Variants in RDX observed in about 807,000 individuals in gnomAD.
The protein encoded by RDX is deafness, autosomal recessive 24.
Under a neutral mutation model 83.7 loss-of-function variants are expected in RDX, and 32 were observed. The observed-to-expected ratio is 0.38, with a 90% CI of 0.29 to 0.51. RDX has a LOEUF of 0.51. RDX is among the 20% of genes least tolerant of loss of function. The pLI, the probability that RDX is intolerant of heterozygous loss-of-function variation, is 0.87. For missense variants in RDX, 600 were observed against 689.9 expected (o/e 0.87, Z 1.46); for synonymous variants, 229 against 222.7 (o/e 1.03, Z -0.25).
intron 1 of RDX, among the ~76,000 whole-genome samples, chr11:110,285,949 A>C (rs1860963955): frequency 6.6e-6 from 1 of 151,948 alleles, no homozygotes; most frequent in African/African-American, 2.4e-5. Context: ...ATAAAAAATA[A>C]ATTGCCTAAA....
intron 5 of RDX, among the ~76,000 whole-genome samples, chr11:110,258,867 C>CTTTTTTTT (rs11421586): frequency 1.2e-4 from 11 of 94,606 alleles, no homozygotes; most frequent in East Asian, 3.1e-4. Flanking sequence ...CAAATACATT[C>CTTTTTTTT]TTTTTTTTTT....
intron 1 of RDX, among the ~76,000 whole-genome samples, chr11:110,280,796 C>G (rs1860729802): frequency 6.6e-6 from 1 of 152,176 alleles, no homozygotes; most frequent in Non-Finnish European, 1.5e-5. Context: ...CCACTGCACT[C>G]CAGCCTGGGC....
intron 12 of RDX, 56 bp downstream of exon 12, chr11:110,236,043 A>G: frequency 8.1e-7 from 1 of 1,239,220 alleles, no homozygotes; most frequent in Non-Finnish European, 1.2e-6. Context: ...CAAAGTCAGC[A>G]TAATCCTGGG....
intron 15 of RDX, among the ~76,000 whole-genome samples, chr11:110,189,308 A>G (rs1863060046): frequency 6.7e-6 from 1 of 150,088 alleles, no homozygotes; most frequent in African/African-American, 2.4e-5. Context: ...TCAATTCAAC[A>G]AGAGACTTAA....
intron 10 of RDX, among the ~76,000 whole-genome samples, chr11:110,247,256 T>G (rs1859149490): frequency 2.0e-5 from 3 of 152,166 alleles, no homozygotes; most frequent in Admixed American, 2.0e-4. Flanking sequence ...AGTAAAATAT[T>G]TTTAGGAATT....
chr11:110,250,626 T>C (rs765402140), intron 9 of RDX, among the ~76,000 whole-genome samples: 2 of 149,316 alleles, frequency 1.3e-5, no homozygotes, highest in Non-Finnish European at 3.0e-5. Context: ...TCTTCAGGGA[T>C]GGAGGTGAAG....
chr11:110,287,109 G>A (rs964402442), intron 1 of RDX: 7 of 152,174 alleles, frequency 4.6e-5, no homozygotes, highest in African/African-American at 1.7e-4. Context: ...AACAGTCTCT[G>A]GGCTGGTTAT....
chr11:110,232,509 T>C (rs567959687), intron 13 of RDX, among the ~76,000 whole-genome samples: 4 of 152,142 alleles, frequency 2.6e-5, no homozygotes, highest in Non-Finnish European at 5.9e-5. Flanking sequence ...GACCTAGTTA[T>C]GTCCATGTAA....
chr11:110,252,319 G>T (rs1464819586), intron 9 of RDX, among the ~76,000 whole-genome samples: 1 of 152,044 alleles, frequency 6.6e-6, no homozygotes, highest in African/African-American at 2.4e-5. Flanking sequence ...ATTACCAAAT[G>T]ATACTAAGTA....
chr11:110,296,346 C>T (rs1483428604), intron 1 of RDX, 121 bp downstream of exon 1: 1 of 151,762 alleles, frequency 6.6e-6, no homozygotes, highest in East Asian at 1.9e-4. Flanking sequence ...GGAGGCGCGC[C>T]AAGCCCTGGC....
intron 10 of RDX, among the ~76,000 whole-genome samples, chr11:110,245,762 AG>A (rs1165615784): frequency 2.6e-5 from 4 of 152,194 alleles, no homozygotes. Context: ...CCAGGAGAAT[AG>A]GAACTCTTTT....
At chr11:110,203,456 G>A (rs926157863) in intron 14 of RDX, among the ~76,000 whole-genome samples, 35 of 149,282 alleles carry the variant, frequency 2.3e-4, no homozygotes, top group African/African-American at 5.9e-4. Flanking sequence ...ATAAGACCTA[G>A]TATTTGACAG....
At position 110,213,062 on chromosome 11, in the gene RDX, A is replaced by G. The variant is rs1310746283; in HGVS notation, c.1749-13384T>C. Among the ~76,000 whole-genome samples the G allele has an allele frequency of 3.9e-3, 574 of 148,004 alleles. 4 individuals are homozygous for G. Among genetic ancestry groups the G allele is most frequent in the African/African-American group, 0.013 (522 of 39,138 alleles). ...AGTCAAATTGTCCCTGTTTGCAGACAACATGATTGTATATCTAGAAAACCC... is the reference window on the plus strand; with the variant it reads ...AGTCAAATTGTCCCTGTTTGCAGACGACATGATTGTATATCTAGAAAACCC... On this transcript the variant is annotated intron_variant, in intron 14 of 15. Transcript: ENST00000528498.
intron 14 of RDX, among the ~76,000 whole-genome samples, chr11:110,207,033 C>T (rs1194701719): frequency 6.6e-6 from 1 of 152,132 alleles, no homozygotes; most frequent in African/African-American, 2.4e-5. Flanking sequence ...AGTGCAGTGG[C>T]ATGATCTCAG....
chr11:110,269,400 AAGTC>A (rs1385799205), intron 3 of RDX, among the ~76,000 whole-genome samples: 3 of 152,312 alleles, frequency 2.0e-5, no homozygotes, highest in Admixed American at 1.3e-4. Flanking sequence ...GTCAAGAAAA[AAGTC>A]AGCAAGAAGC....
At chr11:110,227,802 C>G (rs1400724553), downstream of RDX, among the ~76,000 whole-genome samples, 1 of 152,072 alleles carries the variant, frequency 6.6e-6, no homozygotes, top group African/African-American at 2.4e-5. Flanking sequence ...GGGATCTCCA[C>G]AGCCAAAACA....
At chr11:110,209,294 G>A (rs1356271191) in intron 14 of RDX, among the ~76,000 whole-genome samples, 1 of 152,260 alleles carries the variant, frequency 6.6e-6, no homozygotes, top group South Asian at 2.1e-4. Context: ...CTTAAAAAAC[G>A]GCGCACCACG....
chr11:110,185,883 G>C (rs1377649969), intron 15 of RDX, among the ~76,000 whole-genome samples: 1 of 152,128 alleles, frequency 6.6e-6, no homozygotes, highest in East Asian at 1.9e-4. Flanking sequence ...AACAGGACTG[G>C]GCTACAAACC....
intron 15 of RDX, among the ~76,000 whole-genome samples, chr11:110,194,975 TTTTTG>T (rs145277513): frequency 0.3 from 45,895 of 150,848 alleles, 7,593 homozygotes; most frequent in African/African-American, 0.44. Context: ...TTTTGGTTGT[TTTTTG>T]TTTTGTTTTG....
Sources: allele counts gnomAD v4.1 joint callset (sites outside exome capture counted in the v4.1 genomes callset), GRCh38; gene constraint gnomAD v4.1.1; transcripts MANE v1.5; gene names NCBI Gene and HGNC (gene_info 2026-07-23, HGNC 2026-07-21).